The following MXRA5 variants were observed in gnomAD, a reference collection of about 807,000 sequenced individuals.
MXRA5 encodes the protein matrix remodeling associated 5, also known as matrix-remodeling-associated protein 5.
A neutral mutation model predicts 112.5 loss-of-function variants in MXRA5; 41 were observed. That is an observed-to-expected ratio of 0.36 (90% CI 0.28 to 0.47). The LOEUF (loss-of-function observed/expected upper bound fraction) is 0.47, where lower values mean the gene tolerates loss of function less well. Ranked by LOEUF, MXRA5 falls within the 20% of genes least tolerant of loss-of-function variation. The pLI, the probability that MXRA5 is intolerant of heterozygous loss-of-function variation, is 0.99. For synonymous variants in MXRA5, 862 were observed against 900.8 expected (o/e 0.96, Z 0.77); for missense variants, 2,150 against 2,251.0 (o/e 0.96, Z 0.91).
At chrX:3,314,970 G>A (rs1702337188) in intron 6 of MXRA5, among the ~76,000 whole-genome samples, 1 of 111,085 alleles carries the variant, frequency 9.0e-6, no homozygotes, top group Admixed American at 9.6e-5. Context: ...GATAAAGATG[G>A]ATGGATAGGT....
rs746375112 is a variant in MXRA5 at position 3,322,081 on chromosome X, G to A, written c.3604C>T (p.Pro1202Ser). 29 of 1,208,764 alleles carry A rather than the reference G, an allele frequency of 2.4e-5. No homozygotes were observed. In the Admixed American group the frequency reaches 5.0e-4, roughly 21 times the overall value. The change falls in exon 5 of 7, where the codon CCT (proline) becomes TCT (serine). Residue 1202 changes from proline to serine, a missense_variant. Coordinates refer to ENST00000217939, the MANE Select transcript of MXRA5 (RefSeq NM_015419.4). ...ISSQVESSLV[P>S]TAWVDNTVNT... ...ACTGTGTTATCCACCCAAGCTGTAGGAACCAGAGAACTCTCCACTTGACTT... is the reference window on the plus strand; with the variant it reads ...ACTGTGTTATCCACCCAAGCTGTAGAAACCAGAGAACTCTCCACTTGACTT...
At chrX:3,343,936 A>G (rs992576334) in intron 1 of MXRA5, 75 bp from the exon 2 acceptor site, 23 of 876,028 alleles carry the variant, frequency 2.6e-5, no homozygotes, top group Admixed American at 2.2e-4. Flanking sequence ...TTAAATTTGA[A>G]TTGTGCATCA....
Position 3,324,725 on chromosome X carries a change from C to G in MXRA5, c.960G>C (p.Leu320Phe). 8.3e-7 allele frequency: 1 copy of G among 1,210,070 alleles called. No individual in the cohort carries two copies. The highest frequency in any genetic ancestry group is 1.1e-6 in the Non-Finnish European group (1 of 894,385). The change falls in exon 5 of 7, where the codon TTG becomes TTC. Residue 320 changes from leucine (L) to phenylalanine (F), a missense_variant. By Grantham distance (22) the Leu-to-Phe change is conservative (BLOSUM62 0). Transcript: ENST00000217939. ...KFQLPQWSIS[L>F]NMTDEHGNMV... ...TGTTCCCGTGCTCGTCGGTCATATT[C>G]AAAGAGATGCTCCACTGGGGCAGTT... is the stretch of plus-strand genomic sequence containing the variant.
intron 5 of MXRA5, 36 bp from the exon 6 acceptor site, chrX:3,318,039 C>T: frequency 9.0e-7 from 1 of 1,106,827 alleles, no homozygotes; most frequent in Non-Finnish European, 1.2e-6. Context: ...TTGGCATAAA[C>T]TGTGCCCTTT....
At chrX:3,327,189 A>G (rs1290629308) in intron 4 of MXRA5, among the ~76,000 whole-genome samples, 1 of 79,858 alleles carries the variant, frequency 1.3e-5, no homozygotes, top group Non-Finnish European at 2.4e-5. Flanking sequence ...TAAAGCTCCT[A>G]ACTGGCTTTG....
At chrX:3,315,391 T>TAGATGATAGATA (rs1555943433) in intron 6 of MXRA5, among the ~76,000 whole-genome samples, 2 of 56,739 alleles carry the variant, frequency 3.5e-5, no homozygotes, top group Admixed American at 2.0e-4. Context: ...GATAGATAGA[T>TAGATGATAGATA]GATAGATAGA....
rs1192019628 is a variant in MXRA5, at chrX:3,322,356, T to C, written c.3329A>G (p.Lys1110Arg). ...ACCAACTGTGGTTTCCGCAGGCTTC[T>C]TAACTGGAGACATACTGCTCATTAT... ...LGIMSSMSPV[K>R]KPAETTVGTL... is the part of the protein sequence containing the mutation. Residue 1110 changes from lysine to arginine, a missense_variant, in exon 5 of 7, where the codon AAG becomes AGG. Coordinates refer to ENST00000217939, the MANE Select transcript of MXRA5 (RefSeq NM_015419.4). 10 of 1,209,460 alleles carry C rather than the reference T, an allele frequency of 8.3e-6. No individual in the cohort carries two copies. The highest frequency in any genetic ancestry group is 2.3e-4 in the Middle Eastern group (1 of 4,356).
rs1200625221 is a variant in MXRA5, at chrX:3,322,935, G to T, written c.2750C>A (p.Pro917His). 3 of 1,209,346 alleles carry T rather than the reference G, an allele frequency of 2.5e-6. No individual in the cohort carries two copies. In the African/African-American group the frequency reaches 5.3e-5, roughly 21 times the overall value. ...GTAAPTLISEPYEPSPTLHTL... is the reference protein window; with the variant it reads ...GTAAPTLISEHYEPSPTLHTL... ...GTGCAGAGTAGGAGATGGTTCATAA[G>T]GCTCAGATATAAGTGTAGGGGCTGC... Residue 917 changes from proline to histidine, a missense_variant, in exon 5 of 7, where the codon CCT becomes CAT. This residue lies in a region of MXRA5 where 1,485 missense variants were observed against 1,471.6 expected (regional missense o/e 1.01). Transcript: ENST00000217939.
At chrX:3,318,583 G>C (rs764027018) in intron 5 of MXRA5, among the ~76,000 whole-genome samples, 7 of 112,510 alleles carry the variant, frequency 6.2e-5, no homozygotes, top group Non-Finnish European at 1.3e-4. Flanking sequence ...TACACTGTTG[G>C]TGGGAATGTA....
intron 2 of MXRA5, among the ~76,000 whole-genome samples, chrX:3,331,021 G>A: frequency 9.0e-6 from 1 of 111,082 alleles, no homozygotes; most frequent in Admixed American, 9.6e-5. Flanking sequence ...TCCCACATCA[G>A]CCTCCCAAGT....
chrX:3,345,224 G>A (rs1234269715), intron 1 of MXRA5, among the ~76,000 whole-genome samples: 1 of 112,969 alleles, frequency 8.9e-6, no homozygotes, highest in Non-Finnish European at 1.9e-5. Context: ...ACCTAGAAAA[G>A]GTTATTCTCT....
At chrX:3,344,737 A>T (rs1922067021) in intron 1 of MXRA5, among the ~76,000 whole-genome samples, 2 of 111,449 alleles carry the variant, frequency 1.8e-5, no homozygotes, top group Admixed American at 9.6e-5. Context: ...AGTGACACAC[A>T]TGGAAAGTAA....
At position 3,322,045 on chromosome X, in the gene MXRA5, T is replaced by C. The variant is rs1603467963; in HGVS notation, c.3640A>G (p.Lys1214Glu). The C allele has an allele frequency of 1.7e-6, 2 of 1,209,457 alleles. No individual in the cohort carries two copies. Among genetic ancestry groups the C allele is most frequent in the South Asian group, 3.5e-5 (2 of 56,735 alleles). ...GCATTCTTCTCCATTTCCAACTGTTTGGGGGTATTAACTGTGTTATCCACC... is the reference window on the plus strand; with the variant it reads ...GCATTCTTCTCCATTTCCAACTGTTCGGGGGTATTAACTGTGTTATCCACC... ...AWVDNTVNTP[K>E]QLEMEKNAEP... Residue 1214 changes from lysine to glutamate, a missense_variant, in exon 5 of 7, where the codon AAA (lysine) becomes GAA (glutamate). Transcript: ENST00000217939.
intron 1 of MXRA5, among the ~76,000 whole-genome samples, chrX:3,345,141 A>G (rs1463324684): frequency 3.6e-5 from 4 of 111,948 alleles, no homozygotes; most frequent in Admixed American, 1.9e-4. Context: ...CTCAAAAAAT[A>G]AAAATAAAAT....
In MXRA5 at chrX:3,317,816, G is replaced by T. The variant is rs1373188567; in HGVS notation, c.5865C>A (p.Ser1955=). The change falls in exon 6 of 7, where the codon TCC becomes TCA. Residue 1955 remains serine (S), a synonymous_variant. Coordinates refer to ENST00000217939, the MANE Select transcript of MXRA5 (RefSeq NM_015419.4). The part of the protein sequence containing the change: ...VTVQQPQILA[S]HYQDVTVYLG... Reference sequence around the variant, plus strand: ...GGTAGACAGTGACGTCCTGGTAGTGGGAGGCTAGGATTTGAGGTTGCTGCA... The same window carrying T: ...GGTAGACAGTGACGTCCTGGTAGTGTGAGGCTAGGATTTGAGGTTGCTGCA... 8.3e-7 allele frequency: 1 copy of T among 1,211,253 alleles called. No homozygotes were observed. Among genetic ancestry groups the T allele is most frequent in the South Asian group, 1.8e-5 (1 of 56,907 alleles).
Position 3,312,560 on chromosome X carries a change from C to CTT in MXRA5, c.6579-938_6579-937dup, listed in dbSNP as rs773869772. ...TAATATTTCCTAAATACCACACTTT[C>CTT]TTTTTTTTTTTTTTTTTTAAGAACT... On this transcript the variant is annotated intron_variant, in intron 6 of 6. Transcript: ENST00000217939. Among the ~76,000 whole-genome samples the CTT allele has an allele frequency of 8.1e-3, 733 of 91,031 alleles. 8 individuals are homozygous for CTT. Among genetic ancestry groups the CTT allele is most frequent in the African/African-American group, 0.028 (685 of 24,479 alleles). The allele number at this position is 91,031 out of a possible 115,157, so 79.0% of individuals were successfully genotyped here. A position where few individuals can be genotyped will look rare whatever the true frequency, so the allele number is the denominator to read the frequency against.
Position 3,324,556 on chromosome X carries a change from G to T in MXRA5, c.1129C>A (p.Leu377Ile). 3.3e-6 allele frequency: 4 copies of T among 1,211,065 alleles called. 1 individual carries two copies. The South Asian group carries it at 7.0e-5, about 21-fold the overall frequency. The change falls in exon 5 of 7, where the codon CTA (leucine) becomes ATA (isoleucine). Residue 377 changes from leucine to isoleucine, a missense_variant. By Grantham distance (5) the Leu-to-Ile change is conservative (BLOSUM62 2). Transcript: ENST00000217939. ...CPMTRENYEKLWKLIAYYSEV... is the reference protein window; with the variant it reads ...CPMTRENYEKIWKLIAYYSEV... ...CTGTAGTATGCTATCAATTTCCATA[G>T]CTTTTCATAGTTTTCTCGGGTCATT...
At chrX:3,340,460 T>G (rs1480491128) in intron 2 of MXRA5, among the ~76,000 whole-genome samples, 2 of 112,105 alleles carry the variant, frequency 1.8e-5, no homozygotes, top group African/African-American at 6.5e-5. Context: ...TAGTTCCTGT[T>G]ACAAATTAAA....
Position 3,311,428 on chromosome X carries a change from C to T in MXRA5, c.6775G>A (p.Gly2259Ser), listed in dbSNP as rs763030055. 5 of 1,211,689 alleles carry T rather than the reference C, an allele frequency of 4.1e-6. No individual in the cohort carries two copies. The East Asian group carries it at 8.9e-5, about 21-fold the overall frequency. The change falls in exon 7 of 7, where the codon GGT becomes AGT. Residue 2259 changes from glycine (G) to serine (S), a missense_variant. Gly to Ser is a moderately conservative substitution (Grantham distance 56). Around this residue, in one of 6 missense-constraint regions of MXRA5, gnomAD observed 1,485 missense variants for 1,471.6 expected, o/e 1.01. Coordinates refer to ENST00000217939, the MANE Select transcript of MXRA5 (RefSeq NM_015419.4). The stretch of plus-strand genomic sequence containing the variant: ...GCCACACAGTCCACTTTCAGGTCAC[C>T]CCCGTAGAAGACTTTGTGGTCGTTC... ...EENDHKVFYG[G>S]DLKVDCVATG...
Sources: gnomAD v4.1 joint callset for allele counts (sites outside exome capture counted in the v4.1 genomes callset) on GRCh38, gnomAD v4.1.1 for gene constraint, gnomAD v4.1.1 regional missense constraint, MANE v1.5 for transcripts, NCBI Gene and HGNC (gene_info 2026-07-23, HGNC 2026-07-21) for gene names.